Variants in PIK3R2 observed in about 807,000 individuals in gnomAD.
The protein encoded by PIK3R2 is phosphoinositide-3-kinase regulatory subunit 2, also known as phosphatidylinositol 3-kinase regulatory subunit beta.
In PIK3R2, 40 loss-of-function variants were observed where a neutral mutation model predicts 78.5. The observed-to-expected ratio is 0.51, with a 90% CI of 0.40 to 0.66. PIK3R2 has a LOEUF of 0.66. Among genes scored for constraint, PIK3R2 ranks in the 30% least tolerant of loss-of-function variants. The pLI is 0.00. For synonymous variants in PIK3R2, 473 were observed against 457.7 expected (o/e 1.03, Z -0.43); for missense variants, 880 against 1,026.6 (o/e 0.86, Z 1.95).
intron 11 of PIK3R2, among the ~76,000 whole-genome samples, chr19:18,165,236 G>A (rs1361042297): frequency 6.6e-6 from 1 of 151,636 alleles, no homozygotes; most frequent in Non-Finnish European, 1.5e-5. Flanking sequence ...GTCATGGCAT[G>A]CACCTGTAAT....
At chr19:18,162,636 C>G in intron 9 of PIK3R2, 130 bp downstream of exon 9, 1 of 764,594 alleles carries the variant, frequency 1.3e-6, no homozygotes, top group African/African-American at 1.7e-5. Context: ...GTAATCCCAG[C>G]ACTTTGGGAG....
chr19:18,154,234 G>A (rs937361294), intron 1 of PIK3R2, among the ~76,000 whole-genome samples: 1 of 152,084 alleles, frequency 6.6e-6, no homozygotes, highest in Non-Finnish European at 1.5e-5. Flanking sequence ...GCAGGGCTAG[G>A]CTGGGAATGT....
chr19:18,161,453 C>A lies in PIK3R2; in HGVS notation c.773C>A (p.Pro258Gln). The A allele has an allele frequency of 8.3e-7, 1 of 1,204,682 alleles. No homozygotes were observed. 74.6% of individuals were successfully genotyped at this position (1,204,682 alleles called of 1,614,324 possible). The change falls in exon 6 of 16, where the codon CCG (proline) becomes CAG (glutamine). Residue 258 changes from proline to glutamine, a missense_variant. Physicochemically the swap from Pro to Gln is moderately conservative, Grantham distance 76. Transcript: ENST00000222254. This position sits in a 1 kb window ranked among gnomAD's most constrained non-coding sequence, Gnocchi z 5.3. Reference protein sequence around the residue: ...ATFGPLLLRAPPPPSSPPPGG... With the variant: ...ATFGPLLLRAQPPPSSPPPGG... ...TTTGGGCCGCTGCTGCTGCGCGCGC[C>A]GCCGCCGCCGTCCTCGCCGCCGCCA...
Position 18,161,376 on chromosome 19 carries a change from GGCCA to G in PIK3R2, c.700_703del (p.Ser234AlafsTer106). ...TCCTGCTCCAGCACCTGGGCCGCGTGGCCAGCCGCGCCCCGGCCCTGGGTCCCGC... is the reference window on the plus strand; with the variant it reads ...TCCTGCTCCAGCACCTGGGCCGCGTGGCCGCGCCCCGGCCCTGGGTCCCGC... On this transcript the variant is annotated frameshift_variant, in exon 6 of 16. Coordinates refer to ENST00000222254, the MANE Select transcript of PIK3R2 (RefSeq NM_005027.4). LOFTEE classifies it high-confidence loss of function. This position sits in a 1 kb window ranked among gnomAD's most constrained non-coding sequence, Gnocchi z 5.3. The G allele has an allele frequency of 7.9e-7, 1 of 1,258,168 alleles. No homozygotes were observed. The highest frequency in any genetic ancestry group is 1.0e-6 in the Non-Finnish European group (1 of 1,002,990). The allele number at this position is 1,258,168 out of a possible 1,614,324, so 77.9% of individuals were successfully genotyped here.
In PIK3R2 at chr19:18,156,132, C is replaced by T. The variant is rs974148900; in HGVS notation, c.253C>T (p.Arg85Trp). ...GTTCCTGGGGCCCGTGGCCCTGGCC[C>T]GGCCCGGCCCTCGCCCACGGGGCCC... ...VEFLGPVALARPGPRPRGPRP... is the reference protein window; with the variant it reads ...VEFLGPVALAWPGPRPRGPRP... Residue 85 changes from arginine (R) to tryptophan (W), a missense_variant, in exon 2 of 16, where the codon CGG (arginine) becomes TGG (tryptophan). Transcript: ENST00000222254. This position sits in a 1 kb window ranked among gnomAD's most constrained non-coding sequence, Gnocchi z 4.2. 14 of 1,498,618 alleles carry T rather than the reference C, an allele frequency of 9.3e-6. No individual in the cohort carries two copies. Among genetic ancestry groups the T allele is most frequent in the African/African-American group, 1.4e-5 (1 of 69,050 alleles). The allele number at this position is 1,498,618 out of a possible 1,614,324, so 92.8% of individuals were successfully genotyped here.
chr19:18,165,323 C>A (rs1464220726), intron 11 of PIK3R2, among the ~76,000 whole-genome samples: 12 of 133,270 alleles, frequency 9.0e-5, no homozygotes, highest in Non-Finnish European at 1.8e-4. Flanking sequence ...CGAGATCACA[C>A]CATTGCACTC....
At position 18,169,842 on chromosome 19, in the gene PIK3R2, G is replaced by A. The variant is rs143200495; in HGVS notation, c.*548G>A. ...GACTCCAACTTCCCCTCCAAACCCC[G>A]AAGTGAAACCCGCCACCGGGTTACC... On this transcript the variant is annotated 3_prime_UTR_variant, in exon 16 of 16. Transcript: ENST00000222254. 233 of 204,322 alleles carry A rather than the reference G, an allele frequency of 1.1e-3. No individual in the cohort carries two copies. Among genetic ancestry groups the A allele is most frequent in the African/African-American group, 2.1e-3 (93 of 43,764 alleles). The allele number at this position is 204,322 out of a possible 1,614,324, so 12.7% of individuals were successfully genotyped here.
rs754438373 is a variant in PIK3R2 at position 18,168,570 on chromosome 19, C to A, written c.1808+24C>A. 11 of 783,042 alleles carry A rather than the reference C, an allele frequency of 1.4e-5. No homozygotes were observed. The highest frequency in any genetic ancestry group is 1.2e-4 in the South Asian group (9 of 74,470). 48.5% of individuals were successfully genotyped at this position (783,042 alleles called of 1,614,324 possible). A position where few individuals can be genotyped will look rare whatever the true frequency, so the allele number is the denominator to read the frequency against. ...GAGTGAGTGACCGTCTGGAGGGAGG[C>A]AGGGAGGGCTTCCCAGAGGAGGGGG... On this transcript the variant is annotated intron_variant, in intron 14 of 15. Transcript: ENST00000222254. This position sits in a 1 kb window ranked among gnomAD's most constrained non-coding sequence, Gnocchi z 4.1.
At chr19:18,163,678 T>C (rs1471338034) in intron 11 of PIK3R2, among the ~76,000 whole-genome samples, 5 of 152,076 alleles carry the variant, frequency 3.3e-5, no homozygotes, top group Non-Finnish European at 7.4e-5. Context: ...AAAAATTAAC[T>C]GGGTGTCGTG....
At position 18,155,896 on chromosome 19, in the gene PIK3R2, G is replaced by A. The variant is rs1293153070; in HGVS notation, c.17G>A (p.Gly6Asp). The A allele has an allele frequency of 6.4e-7, 1 of 1,555,862 alleles. No individual in the cohort carries two copies. MAGPE[G>D]FQYRALYPFR... ...CACGCGGCCATGGCGGGCCCTGAGG[G>A]CTTCCAGTACCGCGCTCTGTACCCG... is the stretch of plus-strand genomic sequence containing the variant. Residue 6 changes from glycine (G) to aspartate (D), a missense_variant, in exon 2 of 16, where the codon GGC becomes GAC. Gly to Asp is a moderately conservative substitution (Grantham distance 94, BLOSUM62 -1). Transcript: ENST00000222254.
chr19:18,161,992 C>T lies in PIK3R2; in HGVS notation c.842C>T (p.Ala281Val), dbSNP rs1048131069. 5 of 1,613,892 alleles carry T rather than the reference C, an allele frequency of 3.1e-6. No individual in the cohort carries two copies. Among genetic ancestry groups the T allele is most frequent in the Non-Finnish European group, 4.2e-6 (5 of 1,179,960 alleles). ...AGTGAGCCCAGCCCTGACTTCCCGGCGCTGCTGGTGGAGAAGCTGCTTCAG... is the reference window on the plus strand; with the variant it reads ...AGTGAGCCCAGCCCTGACTTCCCGGTGCTGCTGGTGGAGAAGCTGCTTCAG... Reference protein sequence around the residue: ...DGSEPSPDFPALLVEKLLQEH... With the variant: ...DGSEPSPDFPVLLVEKLLQEH... The change falls in exon 7 of 16, where the codon GCG becomes GTG. Residue 281 changes from alanine to valine, a missense_variant. Ala to Val is a moderately conservative substitution (Grantham distance 64). Around this residue, in one of 3 missense-constraint regions of PIK3R2, gnomAD observed 456 missense variants for 486.6 expected, o/e 0.94. Coordinates refer to ENST00000222254, the MANE Select transcript of PIK3R2 (RefSeq NM_005027.4). The surrounding 1 kb of genome is among the most constrained non-coding windows in gnomAD (Gnocchi z 5.3).
At chr19:18,158,495 A>AAAC (rs532683323) in intron 2 of PIK3R2, among the ~76,000 whole-genome samples, 4,854 of 150,020 alleles carry the variant, frequency 0.032, 225 homozygotes, top group African/African-American at 0.076. Context: ...CATCTCAAAA[A>AAAC]AACAACAACA....
In PIK3R2 at chr19:18,168,421, G is replaced by C. The variant is rs1377849897; in HGVS notation, c.1737-54G>C. On this transcript the variant is annotated intron_variant, in intron 13 of 15. Coordinates refer to ENST00000222254, the MANE Select transcript of PIK3R2 (RefSeq NM_005027.4). The surrounding 1 kb of genome is among the most constrained non-coding windows in gnomAD (Gnocchi z 4.1). The stretch of plus-strand genomic sequence containing the variant: ...CTGCCTCCCACCGGACAGGCCCACT[G>C]TGGGCTCAGCACCCACACAACTGCA... 3.9e-6 allele frequency: 3 copies of C among 762,884 alleles called. No homozygotes were observed. In the African/African-American group the frequency reaches 5.1e-5, roughly 13 times the overall value. The allele number at this position is 762,884 out of a possible 1,614,324, so 47.3% of individuals were successfully genotyped here.
Position 18,168,365 on chromosome 19 carries a change from G to A in PIK3R2, c.1737-110G>A. On this transcript the variant is annotated intron_variant, in intron 13 of 15. Transcript: ENST00000222254. This position sits in a 1 kb window ranked among gnomAD's most constrained non-coding sequence, Gnocchi z 4.1. ...CCCTCTTGTGGCAACCGGAGATATT[G>A]TACCCAGAACCCTCTCTCCTCAGCC... 1 of 691,600 alleles carries A rather than the reference G, an allele frequency of 1.4e-6. No individual in the cohort carries two copies. The highest frequency in any genetic ancestry group is 2.7e-5 in the East Asian group (1 of 37,292). 42.8% of individuals were successfully genotyped at this position (691,600 alleles called of 1,614,324 possible). A position where few individuals can be genotyped will look rare whatever the true frequency, so the allele number is the denominator to read the frequency against.
chr19:18,160,596 C>G, intron 3 of PIK3R2, 33 bp downstream of exon 3: 1 of 1,516,634 alleles, frequency 6.6e-7, no homozygotes, highest in Non-Finnish European at 9.1e-7. Flanking sequence ...CCCCTGGATT[C>G]TGCTTGCTTA....
rs1230442444 is a variant in PIK3R2 at position 18,156,945 on chromosome 19, G to A, written c.322+744G>A. ...ACTGTGGCCCAGGTTGCAAGGAGGA[G>A]GCTAAGAGGTGCTGCATGCTCGGCA... On this transcript the variant is annotated intron_variant, in intron 2 of 15. Transcript: ENST00000222254. This position sits in a 1 kb window ranked among gnomAD's most constrained non-coding sequence, Gnocchi z 4.2. Among the ~76,000 whole-genome samples, 1 of 152,196 alleles carries A rather than the reference G, an allele frequency of 6.6e-6. No homozygotes were observed. Among genetic ancestry groups the A allele is most frequent in the Non-Finnish European group, 1.5e-5 (1 of 68,034 alleles).
chr19:18,157,962 G>C (rs2043696900), intron 2 of PIK3R2, among the ~76,000 whole-genome samples: 1 of 152,226 alleles, frequency 6.6e-6, no homozygotes, highest in African/African-American at 2.4e-5. Flanking sequence ...GCCAGGGCTG[G>C]GAGGGGGCTG....
At chr19:18,153,351 G>T (rs2043634595) in intron 1 of PIK3R2, 57 bp downstream of exon 1, 1 of 152,864 alleles carries the variant, frequency 6.5e-6, no homozygotes, top group African/African-American at 2.4e-5. Context: ...TAAATGCGGG[G>T]CGCCCGGGGG....
chr19:18,169,271 G>C lies in PIK3R2; in HGVS notation c.2164G>C (p.Gly722Arg). ...LAHPVRAPGP[G>R]PPPAAR ...GCACCCAGTGCGCGCCCCGGGCCCCGGCCCGCCGCCTGCCGCCCGCTGAGC... is the reference window on the plus strand; with the variant it reads ...GCACCCAGTGCGCGCCCCGGGCCCCCGCCCGCCGCCTGCCGCCCGCTGAGC... The change falls in exon 16 of 16, where the codon GGC becomes CGC. Residue 722 changes from glycine to arginine, a missense_variant. Physicochemically the swap from Gly to Arg is moderately radical, Grantham distance 125. Around this residue, in one of 3 missense-constraint regions of PIK3R2, gnomAD observed 268 missense variants for 299.1 expected, o/e 0.90. Transcript: ENST00000222254. The C allele has an allele frequency of 6.6e-7, 1 of 1,519,390 alleles. No homozygotes were observed. 94.1% of individuals were successfully genotyped at this position (1,519,390 alleles called of 1,614,324 possible).
Sources: gnomAD v4.1 joint callset for allele counts (sites outside exome capture counted in the v4.1 genomes callset) on GRCh38, gnomAD v4.1.1 for gene constraint, gnomAD v4.1.1 regional missense constraint, Gnocchi (gnomAD v3.1) non-coding constraint, MANE v1.5 for transcripts, NCBI Gene and HGNC (gene_info 2026-07-23, HGNC 2026-07-21) for gene names.